The following ZMYND12 variants were observed in gnomAD, a reference collection of about 807,000 sequenced individuals.
The protein encoded by ZMYND12 is zinc finger MYND domain-containing protein 12.
ZMYND12 carries 32 observed loss-of-function variants against 41.7 expected under a neutral mutation model. That is an observed-to-expected ratio of 0.77 (90% CI 0.58 to 1.03). ZMYND12 has a LOEUF of 1.03. Among genes scored for constraint, ZMYND12 ranks in the 50% least tolerant of loss-of-function variants. The probability of loss-of-function intolerance (pLI) is 0.00; values close to 1 mark genes in which losing one functional copy is unlikely to be tolerated. For missense variants in ZMYND12, 424 were observed against 438.5 expected (o/e 0.97, Z 0.30); for synonymous variants, 148 against 164.8 (o/e 0.90, Z 0.78).
chr1:42,439,269 CTCTTT>C (rs1358217322), intron 4 of ZMYND12, among the ~76,000 whole-genome samples: 1 of 132,818 alleles, frequency 7.5e-6, no homozygotes. Flanking sequence ...TTCTCTCTCT[CTCTTT>C]TTTTTTTTTT....
chr1:42,453,246 C>CAAGT (rs1643101773), intron 1 of ZMYND12, among the ~76,000 whole-genome samples: 1 of 151,618 alleles, frequency 6.6e-6, no homozygotes, highest in African/African-American at 2.4e-5. Context: ...GAATTAAAAG[C>CAAGT]AAGTAAAAGA....
intron 4 of ZMYND12, among the ~76,000 whole-genome samples, chr1:42,437,258 G>T (rs1359840701): frequency 6.6e-6 from 1 of 152,300 alleles, no homozygotes; most frequent in Non-Finnish European, 1.5e-5. Context: ...ACAGGAAGTG[G>T]TTGCTGGGGC....
intron 1 of ZMYND12, among the ~76,000 whole-genome samples, chr1:42,451,662 T>A (rs1643084468): frequency 6.6e-6 from 1 of 152,232 alleles, no homozygotes; most frequent in Non-Finnish European, 1.5e-5. Flanking sequence ...AATTAAAGTA[T>A]ATTCTTTACA....
intron 1 of ZMYND12, among the ~76,000 whole-genome samples, chr1:42,452,546 C>CA (rs1643093296): frequency 1.3e-5 from 2 of 151,858 alleles, no homozygotes; most frequent in East Asian, 1.9e-4. Context: ...ACTAAAAATA[C>CA]AAAAAAATTA....
chr1:42,447,748 T>C (rs1055724597), intron 3 of ZMYND12, among the ~76,000 whole-genome samples: 1 of 152,160 alleles, frequency 6.6e-6, no homozygotes, highest in Non-Finnish European at 1.5e-5. Flanking sequence ...TTTAAAAAAG[T>C]ATTTTTTTAA....
chr1:42,439,966 T>A lies in ZMYND12; in HGVS notation c.484A>T (p.Lys162Ter). 6.2e-7 allele frequency: 1 copy of A among 1,614,142 alleles called. No individual in the cohort carries two copies. The change falls in exon 4 of 8, where the codon AAA becomes TAA. Residue 162 changes from lysine to a stop codon, truncating the protein, a stop_gained. Coordinates refer to ENST00000372565, the MANE Select transcript of ZMYND12 (RefSeq NM_032257.5). LOFTEE classifies it high-confidence loss of function. ...GTGGCATTACTACAGTCAGTTGATT[T>A]GAGGACTGTCCACTGGGCTTGGAAT... The part of the protein sequence containing the change: ...YLFQAQWTVL[K>*]STDCSNATHS...
chr1:42,455,873 C>T lies in ZMYND12; in HGVS notation c.110+15G>A. On this transcript the variant is annotated intron_variant, in intron 1 of 7. Coordinates refer to ENST00000372565, the MANE Select transcript of ZMYND12 (RefSeq NM_032257.5). ...AGGGAGTTATAGCGCCCAGGTGCCA[C>T]GTTTCAGGGCCTACCAGTAATAAGT... 6 of 1,591,558 alleles carry T rather than the reference C, an allele frequency of 3.8e-6. No individual in the cohort carries two copies. The highest frequency in any genetic ancestry group is 5.2e-6 in the Non-Finnish European group (6 of 1,164,768).
intron 1 of ZMYND12, among the ~76,000 whole-genome samples, chr1:42,453,639 G>C (rs1643110200): frequency 6.6e-6 from 1 of 152,228 alleles, no homozygotes; most frequent in South Asian, 2.1e-4. Context: ...GGGATACAGA[G>C]GACAGGGGTG....
intron 3 of ZMYND12, among the ~76,000 whole-genome samples, chr1:42,442,563 T>A (rs1440162177): frequency 6.6e-6 from 1 of 152,132 alleles, no homozygotes; most frequent in Non-Finnish European, 1.5e-5. Context: ...AGAAAGCCAC[T>A]ACGTCAGTGT....
At position 42,434,460 on chromosome 1, in the gene ZMYND12, T is replaced by C. The variant is rs535592330; in HGVS notation, c.829+814A>G. ...CCCCCAGGCCATGGACCAGAACTGT[T>C]TTGTGGCCTGTTAGGAATCGGGCTG... On this transcript the variant is annotated intron_variant, in intron 6 of 7. Coordinates refer to ENST00000372565, the MANE Select transcript of ZMYND12 (RefSeq NM_032257.5). 1.8e-3 allele frequency among the ~76,000 whole-genome samples: 279 copies of C among 152,208 alleles called. 1 individual carries two copies. Among genetic ancestry groups the C allele is most frequent in the Middle Eastern group, 0.01 (3 of 294 alleles).
intron 1 of ZMYND12, 109 bp from the exon 2 acceptor site, chr1:42,450,168 A>T: frequency 1.5e-6 from 2 of 1,331,788 alleles, no homozygotes; most frequent in Non-Finnish European, 2.1e-6. Context: ...AGCCAAATAC[A>T]AACCAGGCAG....
intron 3 of ZMYND12, 98 bp downstream of exon 3, chr1:42,448,369 T>C: frequency 7.5e-7 from 1 of 1,341,956 alleles, no homozygotes; most frequent in Non-Finnish European, 9.8e-7. Context: ...ACAATAGGTC[T>C]CTTGGTGCCA....
At chr1:42,435,670 C>T (rs72950511) in intron 5 of ZMYND12, 4,981 of 265,988 alleles carry the variant, frequency 0.019, 194 homozygotes, top group African/African-American at 0.098. Flanking sequence ...AACACGAAAC[C>T]TTCACATCCT....
chr1:42,447,040 A>C (rs959799574), intron 3 of ZMYND12, among the ~76,000 whole-genome samples: 5 of 152,224 alleles, frequency 3.3e-5, no homozygotes, highest in African/African-American at 1.2e-4. Context: ...AAATAACTAA[A>C]TGAATACATT....
intron 1 of ZMYND12, among the ~76,000 whole-genome samples, chr1:42,455,534 G>A (rs1271576398): frequency 6.6e-6 from 1 of 152,146 alleles, no homozygotes; most frequent in Non-Finnish European, 1.5e-5. Flanking sequence ...TCGGCCTCCC[G>A]AAGTGCTGGG....
intron 2 of ZMYND12, among the ~76,000 whole-genome samples, 171 bp downstream of exon 2, chr1:42,449,747 G>C (rs935115060): frequency 7.2e-5 from 11 of 152,210 alleles, no homozygotes; most frequent in African/African-American, 2.7e-4. Context: ...TAAGTATTTA[G>C]TAAATGTGGA....
intron 1 of ZMYND12, among the ~76,000 whole-genome samples, chr1:42,453,472 T>C (rs1643108522): frequency 6.6e-6 from 1 of 152,244 alleles, no homozygotes; most frequent in Non-Finnish European, 1.5e-5. Context: ...ACAGTCCCTC[T>C]GTACACATTT....
intron 5 of ZMYND12, 59 bp from the exon 6 acceptor site, chr1:42,435,444 G>C (rs1225591192): frequency 1.5e-6 from 2 of 1,331,168 alleles, no homozygotes; most frequent in Non-Finnish European, 2.2e-6. Flanking sequence ...GTCGGACCAG[G>C]CAGGTGAGGA....
chr1:42,443,974 C>T (rs534786049), intron 3 of ZMYND12, among the ~76,000 whole-genome samples: 12 of 152,232 alleles, frequency 7.9e-5, no homozygotes, highest in African/African-American at 2.4e-4. Context: ...GCAATCCTCC[C>T]ACCTCAGTCT....
Sources: allele counts gnomAD v4.1 joint callset (sites outside exome capture counted in the v4.1 genomes callset), GRCh38; gene constraint gnomAD v4.1.1; transcripts MANE v1.5; gene names NCBI Gene and HGNC (gene_info 2026-07-23, HGNC 2026-07-21).